SAMD4A: variants seen among roughly 807,000 people sequenced by gnomAD.
SAMD4A encodes sterile alpha motif domain containing 4A, also known as protein Smaug homolog 1.
Under a neutral mutation model 81.3 loss-of-function variants are expected in SAMD4A, and 33 were observed. The observed-to-expected ratio is 0.41, with a 90% CI of 0.31 to 0.54. The LOEUF (loss-of-function observed/expected upper bound fraction) is 0.54. Ranked by LOEUF, SAMD4A falls within the 20% of genes least tolerant of loss-of-function variation. SAMD4A has a pLI of 0.37. For synonymous variants in SAMD4A, 389 were observed against 382.1 expected (o/e 1.02, Z -0.21); for missense variants, 854 against 951.1 (o/e 0.90, Z 1.34).
chr14:54,743,118 A>T (rs1379397089), intron 4 of SAMD4A, among the ~76,000 whole-genome samples: 1 of 152,206 alleles, frequency 6.6e-6, no homozygotes, highest in Non-Finnish European at 1.5e-5. Context: ...GGTTGCAGAT[A>T]CAGCAGTTCT....
chr14:54,586,233 T>G (rs2033613639), intron 2 of SAMD4A, among the ~76,000 whole-genome samples: 1 of 152,164 alleles, frequency 6.6e-6, no homozygotes, highest in African/African-American at 2.4e-5. Context: ...GTATATCTTC[T>G]TTTGAGAATT....
chr14:54,729,750 G>A (rs944786861), intron 3 of SAMD4A, among the ~76,000 whole-genome samples: 38 of 152,334 alleles, frequency 2.5e-4, no homozygotes, highest in African/African-American at 8.9e-4. Context: ...TGCTTCAAAG[G>A]TGGAAAATTG....
At chr14:54,680,647 T>G (rs1566580984) in intron 2 of SAMD4A, among the ~76,000 whole-genome samples, 2 of 152,236 alleles carry the variant, frequency 1.3e-5, no homozygotes, top group African/African-American at 2.4e-5. Context: ...ATTCCTCAGT[T>G]TATAATGTTA....
chr14:54,626,486 G>A (rs920643994), intron 2 of SAMD4A, among the ~76,000 whole-genome samples: 7 of 152,176 alleles, frequency 4.6e-5, no homozygotes, highest in Non-Finnish European at 1.0e-4. Context: ...CATTCAGGAA[G>A]GGAGAGTGGC....
At chr14:54,623,831 C>A (rs1281696533) in intron 2 of SAMD4A, among the ~76,000 whole-genome samples, 3 of 152,196 alleles carry the variant, frequency 2.0e-5, no homozygotes, top group African/African-American at 7.2e-5. Context: ...AGGAAATGGA[C>A]TATGGCTGCC....
intron 2 of SAMD4A, among the ~76,000 whole-genome samples, chr14:54,678,800 G>C (rs1470991471): frequency 2.0e-5 from 3 of 152,034 alleles, no homozygotes; most frequent in Non-Finnish European, 4.4e-5. Context: ...CGCCCGCCTC[G>C]GCCTCCCAAA....
intron 3 of SAMD4A, among the ~76,000 whole-genome samples, chr14:54,704,427 C>T (rs2036800768): frequency 6.6e-6 from 1 of 152,186 alleles, no homozygotes; most frequent in African/African-American, 2.4e-5. Context: ...CAAAATTAGT[C>T]TTGGGTCATT....
intron 10 of SAMD4A, 49 bp from the exon 11 acceptor site, chr14:54,776,365 A>G: frequency 1.3e-6 from 2 of 1,547,032 alleles, no homozygotes; most frequent in Non-Finnish European, 1.7e-6. Context: ...TCTGCTCTCC[A>G]CCCCAGTGGG....
intron 2 of SAMD4A, among the ~76,000 whole-genome samples, chr14:54,665,402 C>T (rs950484522): frequency 1.3e-5 from 2 of 152,176 alleles, no homozygotes; most frequent in Non-Finnish European, 2.9e-5. Flanking sequence ...TATAGCTCTT[C>T]AGGGTTTAAT....
At chr14:54,724,197 C>A (rs2037355667) in intron 3 of SAMD4A, among the ~76,000 whole-genome samples, 1 of 152,130 alleles carries the variant, frequency 6.6e-6, no homozygotes, top group African/African-American at 2.4e-5. Flanking sequence ...TTTTGAATAT[C>A]GATTGTTCAG....
intron 2 of SAMD4A, among the ~76,000 whole-genome samples, chr14:54,581,205 A>G (rs931569281): frequency 6.6e-6 from 1 of 152,282 alleles, no homozygotes; most frequent in Non-Finnish European, 1.5e-5. Context: ...GTGTAAAAGT[A>G]CTTTGTAAAC....
At chr14:54,678,504 TGTGTGTGTGTGTAG>T (rs2036046230) in intron 2 of SAMD4A, among the ~76,000 whole-genome samples, 3 of 77,922 alleles carry the variant, frequency 3.9e-5, no homozygotes, top group Admixed American at 2.4e-4. Context: ...TGTGTGTGTG[TGTGTGTGTGTGTAG>T]GTCAGGTGGG....
In SAMD4A at chr14:54,567,692, T is replaced by A; in HGVS notation, c.-225T>A. 3.8e-6 allele frequency: 2 copies of A among 524,026 alleles called. No homozygotes were observed. The highest frequency in any genetic ancestry group is 6.9e-5 in the East Asian group (2 of 28,798). The allele number at this position is 524,026 out of a possible 1,614,324, so 32.5% of individuals were successfully genotyped here. ...TTAAAGAAACATTTCCGTGCTACTG[T>A]CTGTCATCGTCTCTGGGGAAATCAG... On this transcript the variant is annotated 5_prime_UTR_variant, in exon 2 of 13. Transcript: ENST00000554335.
chr14:54,766,467 G>C (rs2038546764), intron 8 of SAMD4A, among the ~76,000 whole-genome samples: 1 of 152,162 alleles, frequency 6.6e-6, no homozygotes, highest in African/African-American at 2.4e-5. Flanking sequence ...GAGCACAGAG[G>C]AGCAGCAGCA....
chr14:54,765,402 C>G (rs545499972), intron 8 of SAMD4A, among the ~76,000 whole-genome samples: 1 of 150,232 alleles, frequency 6.7e-6, no homozygotes, highest in Non-Finnish European at 1.5e-5. Context: ...GTGGGAGGAT[C>G]ACTCGAGGCC....
At chr14:54,711,693 G>C (rs1053428572) in intron 3 of SAMD4A, among the ~76,000 whole-genome samples, 1 of 152,088 alleles carries the variant, frequency 6.6e-6, no homozygotes, top group Non-Finnish European at 1.5e-5. Context: ...CCTTGTTCTT[G>C]GTCTTCCTGA....
chr14:54,575,018 A>C (rs1482854901), intron 2 of SAMD4A, among the ~76,000 whole-genome samples: 1 of 152,194 alleles, frequency 6.6e-6, no homozygotes, highest in African/African-American at 2.4e-5. Flanking sequence ...TTAGAAAGGA[A>C]AGAGGCAATT....
chr14:54,759,583 C>T (rs1231073678), intron 6 of SAMD4A, among the ~76,000 whole-genome samples: 1 of 152,190 alleles, frequency 6.6e-6, no homozygotes, highest in African/African-American at 2.4e-5. Flanking sequence ...GAGGCAGCCA[C>T]GATATGCTCA....
intron 2 of SAMD4A, among the ~76,000 whole-genome samples, chr14:54,584,200 A>G (rs1401785519): frequency 6.6e-6 from 1 of 152,222 alleles, no homozygotes; most frequent in Non-Finnish European, 1.5e-5. Flanking sequence ...ATTTGATTCA[A>G]ATAAAGCATT....
Sources: gnomAD v4.1 joint callset for allele counts (sites outside exome capture counted in the v4.1 genomes callset) on GRCh38, gnomAD v4.1.1 for gene constraint, MANE v1.5 for transcripts, NCBI Gene and HGNC (gene_info 2026-07-23, HGNC 2026-07-21) for gene names.